Variants in CTNNB1 observed in about 807,000 individuals in gnomAD.
CTNNB1 encodes catenin beta 1, also known as catenin beta-1.
In CTNNB1, 6 loss-of-function variants were observed where a neutral mutation model predicts 82.5. That is an observed-to-expected ratio of 0.07 (90% CI 0.04 to 0.14). The LOEUF is 0.14. Among genes scored for constraint, CTNNB1 ranks in the 10% least tolerant of loss-of-function variants. The pLI is 1.00. For missense variants in CTNNB1, 529 were observed against 980.4 expected (o/e 0.54, Z 6.15); for synonymous variants, 312 against 329.7 (o/e 0.95, Z 0.58).
intron 1 of CTNNB1, among the ~76,000 whole-genome samples, chr3:41,216,514 A>G (rs2077919706): frequency 6.6e-6 from 1 of 152,166 alleles, no homozygotes; most frequent in African/African-American, 2.4e-5. Flanking sequence ...TTGTAGTACT[A>G]TTTCCTTGCT....
chr3:41,227,501 G>C lies in CTNNB1; in HGVS notation c.1081+149G>C, dbSNP rs1024086561. On this transcript the variant is annotated intron_variant, in intron 7 of 14. Coordinates refer to ENST00000349496, the MANE Select transcript of CTNNB1 (RefSeq NM_001904.4). ...GCCAAGATTTACATTCAGAGTACCT[G>C]TCATCTGGATTGTAGCTAAATATTT... 6.2e-6 allele frequency: 5 copies of C among 801,776 alleles called. No individual in the cohort carries two copies. The African/African-American group carries it at 8.6e-5, about 14-fold the overall frequency. 49.7% of individuals were successfully genotyped at this position (801,776 alleles called of 1,614,324 possible).
intron 10 of CTNNB1, chr3:41,235,192 G>A (rs185595325): frequency 6.2e-6 from 1 of 162,326 alleles, no homozygotes; most frequent in Non-Finnish European, 1.4e-5. Flanking sequence ...GAAACAGATG[G>A]TACTTACATA....
intron 13 of CTNNB1, chr3:41,237,446 C>CAGAAA (rs1242434619): frequency 1.5e-5 from 1 of 65,264 alleles, no homozygotes; most frequent in Non-Finnish European, 2.6e-5. Context: ...GACTCCAACA[C>CAGAAA]AAAAAAAAAA....
At chr3:41,233,500 G>T (rs775965148) in intron 8 of CTNNB1, 29 bp from the exon 9 acceptor site, 6 of 1,613,008 alleles carry the variant, frequency 3.7e-6, no homozygotes, top group Non-Finnish European at 5.1e-6. Flanking sequence ...GTATGTGCTT[G>T]TACTGACCAT....
intron 1 of CTNNB1, among the ~76,000 whole-genome samples, chr3:41,200,966 G>A (rs930189673): frequency 2.0e-5 from 3 of 152,326 alleles, no homozygotes; most frequent in East Asian, 1.9e-4. Flanking sequence ...TCGAGGAGTG[G>A]TTTTAGTGAA....
At chr3:41,229,876 C>CTGTGTGTG (rs58153157) in intron 7 of CTNNB1, among the ~76,000 whole-genome samples, 9,001 of 147,150 alleles carry the variant, frequency 0.061, 350 homozygotes, top group Non-Finnish European at 0.088. Flanking sequence ...CTCTTGGGTT[C>CTGTGTGTG]TGTGTGTGTG....
chr3:41,223,898 G>A (rs1399628426), intron 1 of CTNNB1, 123 bp from the exon 2 acceptor site: 2 of 693,022 alleles, frequency 2.9e-6, no homozygotes, highest in East Asian at 2.7e-5. Context: ...CACTAACCTG[G>A]TAAAAGAGGA....
rs2078166044 is a variant in CTNNB1 at position 41,225,963 on chromosome 3, G to C, written c.936+102G>C. 1 of 1,102,826 alleles carries C rather than the reference G, an allele frequency of 9.1e-7. No homozygotes were observed. Among genetic ancestry groups the C allele is most frequent in the Non-Finnish European group, 1.3e-6 (1 of 740,798 alleles). 68.3% of individuals were successfully genotyped at this position (1,102,826 alleles called of 1,614,324 possible). A position where few individuals can be genotyped will look rare whatever the true frequency, so the allele number is the denominator to read the frequency against. On this transcript the variant is annotated intron_variant, in intron 6 of 14. Coordinates refer to ENST00000349496, the MANE Select transcript of CTNNB1 (RefSeq NM_001904.4). This position sits in a 1 kb window ranked among gnomAD's most constrained non-coding sequence, Gnocchi z 5.3. ...CTAACCTTTTTGGCACCAGGGACCA[G>C]TTTCGTGGAAAACAGTTTTTCCATG...
chr3:41,224,199 T>G, intron 2 of CTNNB1, 118 bp downstream of exon 2: 1 of 1,281,502 alleles, frequency 7.8e-7, no homozygotes, highest in Non-Finnish European at 1.1e-6. Flanking sequence ...GGCTACCTTT[T>G]GCTCCATTTT....
rs973023051 is a variant in CTNNB1, at chr3:41,233,238, C to G, written c.1082-103C>G. ...ATACTTAGGTGAAAGGAAGTAAACT[C>G]TGGAAATACAGAAGGACACCTCCTA... On this transcript the variant is annotated intron_variant, in intron 7 of 14. Transcript: ENST00000349496. The G allele has an allele frequency of 3.1e-6, 3 of 954,324 alleles. No homozygotes were observed. The African/African-American group carries it at 4.9e-5, about 16-fold the overall frequency. The allele number at this position is 954,324 out of a possible 1,614,324, so 59.1% of individuals were successfully genotyped here.
chr3:41,220,293 A>G (rs1054098574), intron 1 of CTNNB1, among the ~76,000 whole-genome samples: 2 of 151,998 alleles, frequency 1.3e-5, no homozygotes, highest in African/African-American at 4.8e-5. Context: ...CCAAAGGCAT[A>G]CATTTTAGTG....
rs141084759 is a variant in CTNNB1, at chr3:41,204,900, C to T, written c.-49+5230C>T. Among the ~76,000 whole-genome samples, 380 of 152,288 alleles carry T rather than the reference C, an allele frequency of 2.5e-3. 16 individuals carry two copies. The highest frequency in any genetic ancestry group is 0.022 in the Admixed American group (340 of 15,302). ...ATTATTAGGTTTGTATTTATTTAGG[C>T]ACTTGGGAAATGCCTTGTGTCAATT... On this transcript the variant is annotated intron_variant, in intron 1 of 14. Coordinates refer to ENST00000349496, the MANE Select transcript of CTNNB1 (RefSeq NM_001904.4).
chr3:41,213,147 G>A (rs900319580), intron 1 of CTNNB1, among the ~76,000 whole-genome samples: 12 of 152,250 alleles, frequency 7.9e-5, no homozygotes, highest in African/African-American at 2.6e-4. Flanking sequence ...TATTTTTAAC[G>A]TTTCATTGCA....
At chr3:41,232,581 C>G (rs11564450) in intron 7 of CTNNB1, among the ~76,000 whole-genome samples, 59,340 of 150,812 alleles carry the variant, frequency 0.39, 12,089 homozygotes, top group Non-Finnish European at 0.45. Context: ...AGTTAATCTA[C>G]TATGTGGGCA....
At chr3:41,231,470 G>A (rs972079985) in intron 7 of CTNNB1, among the ~76,000 whole-genome samples, 3 of 152,134 alleles carry the variant, frequency 2.0e-5, no homozygotes, top group Non-Finnish European at 2.9e-5. Flanking sequence ...GACTTTCTAG[G>A]TTCCTATAAG....
At chr3:41,219,785 G>A (rs2077999164) in intron 1 of CTNNB1, among the ~76,000 whole-genome samples, 1 of 152,136 alleles carries the variant, frequency 6.6e-6, no homozygotes, top group African/African-American at 2.4e-5. Context: ...CAGTAACAGT[G>A]TTTCTAGAAC....
chr3:41,227,966 A>G (rs1045551960), intron 7 of CTNNB1, among the ~76,000 whole-genome samples: 8 of 152,120 alleles, frequency 5.3e-5, no homozygotes, highest in African/African-American at 1.7e-4. Flanking sequence ...AAGTGAGAAC[A>G]TGTGGTATTT....
intron 13 of CTNNB1, chr3:41,237,423 A>C (rs943628961): frequency 7.1e-6 from 1 of 140,746 alleles, no homozygotes; most frequent in African/African-American, 2.6e-5. Context: ...GACTGCACTC[A>C]GTGACAGAGC....
intron 1 of CTNNB1, among the ~76,000 whole-genome samples, chr3:41,210,180 G>A (rs114685105): frequency 0.021 from 3,242 of 152,092 alleles, 109 homozygotes; most frequent in African/African-American, 0.066. Context: ...TGGGCCAGGC[G>A]CGGTGGCTCA....
Sources: gnomAD v4.1 joint callset for allele counts (sites outside exome capture counted in the v4.1 genomes callset) on GRCh38, gnomAD v4.1.1 for gene constraint, Gnocchi (gnomAD v3.1) non-coding constraint, MANE v1.5 for transcripts, NCBI Gene and HGNC (gene_info 2026-07-23, HGNC 2026-07-21) for gene names.